The following RBFOX1 variants were observed in gnomAD, a reference collection of about 807,000 sequenced individuals.
RBFOX1 encodes the protein RNA binding fox-1 homolog 1.
Under a neutral mutation model 57.7 loss-of-function variants are expected in RBFOX1, and 8 were observed. The observed-to-expected ratio is 0.14, with a 90% CI of 0.08 to 0.25. The LOEUF (loss-of-function observed/expected upper bound fraction) is 0.25. RBFOX1 is among the 10% of genes least tolerant of loss of function. The pLI, the probability that RBFOX1 is intolerant of heterozygous loss-of-function variation, is 1.00. For missense variants in RBFOX1, 611 were observed against 548.5 expected (o/e 1.11, Z -1.14); for synonymous variants, 326 against 222.4 (o/e 1.47, Z -4.15).
chr16:6,846,931 AG>A (rs2141776120), intron 3 of RBFOX1, among the ~76,000 whole-genome samples: 1 of 151,860 alleles, frequency 6.6e-6, no homozygotes, highest in South Asian at 2.1e-4. Flanking sequence ...AAAAAAAAAA[AG>A]AGGTGATGGC....
chr16:6,646,704 G>T (rs1252782066), intron 2 of RBFOX1, among the ~76,000 whole-genome samples: 1 of 152,104 alleles, frequency 6.6e-6, no homozygotes, highest in Non-Finnish European at 1.5e-5. Context: ...TCGTTTCTCA[G>T]TGGTATTTTC....
intron 3 of RBFOX1, among the ~76,000 whole-genome samples, chr16:5,730,597 C>T (rs1188729490): frequency 6.6e-6 from 1 of 152,160 alleles, no homozygotes; most frequent in African/African-American, 2.4e-5. Context: ...TCATCACCAA[C>T]ATCACCACTG....
At chr16:5,437,755 C>T (rs2067960822) in intron 1 of RBFOX1, among the ~76,000 whole-genome samples, 1 of 152,144 alleles carries the variant, frequency 6.6e-6, no homozygotes, top group Non-Finnish European at 1.5e-5. Flanking sequence ...GATAATGAGG[C>T]TCTGAGCAAT....
At chr16:6,276,908 G>A (rs544301206) in intron 1 of RBFOX1, among the ~76,000 whole-genome samples, 9 of 151,456 alleles carry the variant, frequency 5.9e-5, no homozygotes, top group African/African-American at 1.2e-4. Context: ...CTTTATATTC[G>A]GTACTTAGAT....
At chr16:6,292,458 C>A (rs1157909829) in intron 1 of RBFOX1, among the ~76,000 whole-genome samples, 1 of 151,122 alleles carries the variant, frequency 6.6e-6, no homozygotes, top group Non-Finnish European at 1.5e-5. Flanking sequence ...AATTAAAGTT[C>A]TTCAATAATT....
intron 1 of RBFOX1, among the ~76,000 whole-genome samples, chr16:5,424,866 CTTTCTTTT>C (rs1433541153): frequency 7.9e-4 from 107 of 135,028 alleles, no homozygotes; most frequent in East Asian, 1.5e-3. Context: ...TCTCTTCTTT[CTTTCTTTT>C]TTTTCTTTCT....
rs1223729747 is a variant in RBFOX1 at position 5,613,486 on chromosome 16, G to A, written c.318+14525G>A. On this transcript the variant is annotated intron_variant, in intron 3 of 19. Coordinates refer to the RBFOX1 transcript ENST00000641259. Reference sequence around the variant, plus strand: ...GCAGCCCTGATTATGGCTCCCAGAAGCTGAGATTTGTGGTCTAAAACTGAG... The same window carrying A: ...GCAGCCCTGATTATGGCTCCCAGAAACTGAGATTTGTGGTCTAAAACTGAG... Among the ~76,000 whole-genome samples, 3 of 152,184 alleles carry A rather than the reference G, an allele frequency of 2.0e-5. No homozygotes were observed. The East Asian group carries it at 5.8e-4, about 29-fold the overall frequency.
chr16:6,908,814 G>C (rs1409969179), intron 3 of RBFOX1, among the ~76,000 whole-genome samples: 1 of 152,074 alleles, frequency 6.6e-6, no homozygotes, highest in Non-Finnish European at 1.5e-5. Context: ...TTGATAAATG[G>C]AGGTGAGGTT....
intron 4 of RBFOX1, among the ~76,000 whole-genome samples, chr16:7,278,120 C>G (rs537424026): frequency 6.6e-6 from 1 of 151,828 alleles, no homozygotes; most frequent in African/African-American, 2.4e-5. Context: ...TATTTGGCTC[C>G]GCTTGGTTTC....
chr16:7,388,918 A>G (rs979356177), intron 4 of RBFOX1, among the ~76,000 whole-genome samples: 1 of 152,126 alleles, frequency 6.6e-6, no homozygotes, highest in Non-Finnish European at 1.5e-5. Flanking sequence ...TTATAGGGAC[A>G]TAACCATATC....
At chr16:6,462,916 G>A (rs1304691645) in intron 2 of RBFOX1, among the ~76,000 whole-genome samples, 1 of 152,026 alleles carries the variant, frequency 6.6e-6, no homozygotes, top group African/African-American at 2.4e-5. Flanking sequence ...TTTTCAATTA[G>A]TTTATCTTTT....
At chr16:5,662,083 G>A (rs1024876444) in intron 3 of RBFOX1, among the ~76,000 whole-genome samples, 3 of 152,110 alleles carry the variant, frequency 2.0e-5, no homozygotes, top group African/African-American at 7.2e-5. Context: ...ACCGCGCCCG[G>A]CCAAAACTTA....
At chr16:5,763,386 G>T (rs1323240949) in intron 3 of RBFOX1, among the ~76,000 whole-genome samples, 1 of 152,220 alleles carries the variant, frequency 6.6e-6, no homozygotes, top group African/African-American at 2.4e-5. Flanking sequence ...CTACAGCGAT[G>T]CAAACGTGTG....
intron 4 of RBFOX1, among the ~76,000 whole-genome samples, chr16:7,324,135 C>T (rs934473573): frequency 1.3e-5 from 2 of 152,268 alleles, no homozygotes; most frequent in African/African-American, 2.4e-5. Flanking sequence ...TTCTCCAACT[C>T]ATTTGTCCGT....
At chr16:5,650,739 CCTT>C in intron 3 of RBFOX1, among the ~76,000 whole-genome samples, 2 of 152,262 alleles carry the variant, frequency 1.3e-5, no homozygotes, top group Middle Eastern at 6.8e-3. Flanking sequence ...CTCTCTCCCT[CCTT>C]CTCCCTGTCT....
chr16:5,470,503 A>G (rs1302190595), intron 2 of RBFOX1, among the ~76,000 whole-genome samples: 1 of 145,774 alleles, frequency 6.9e-6, no homozygotes. Flanking sequence ...CTCAATCTCT[A>G]TTTATCTCTC....
intron 5 of RBFOX1, among the ~76,000 whole-genome samples, chr16:7,574,949 C>G (rs1444062072): frequency 6.6e-6 from 1 of 151,736 alleles, no homozygotes; most frequent in Non-Finnish European, 1.5e-5. Flanking sequence ...CTTGTTTGTA[C>G]TGCATACACC....
At chr16:6,660,341 C>A (rs1213481808) in intron 3 of RBFOX1, among the ~76,000 whole-genome samples, 1 of 151,974 alleles carries the variant, frequency 6.6e-6, no homozygotes, top group African/African-American at 2.4e-5. Flanking sequence ...ACCACTATGA[C>A]ACACGATTAC....
chr16:5,895,031 TAAAG>T (rs977208851), intron 4 of RBFOX1, among the ~76,000 whole-genome samples: 1 of 147,448 alleles, frequency 6.8e-6, no homozygotes, highest in Non-Finnish European at 1.5e-5. Flanking sequence ...TAAAAAAAAA[TAAAG>T]AAGTTAATTT....
Sources: allele counts gnomAD v4.1 joint callset (sites outside exome capture counted in the v4.1 genomes callset), GRCh38; gene constraint gnomAD v4.1.1; transcripts MANE v1.5; gene names NCBI Gene and HGNC (gene_info 2026-07-23, HGNC 2026-07-21).